TSPAN11: variants seen among roughly 807,000 people sequenced by gnomAD.
The protein encoded by TSPAN11 is tetraspanin 11.
Under a neutral mutation model 32.9 loss-of-function variants are expected in TSPAN11, and 29 were observed. The ratio of observed to expected loss-of-function variants is 0.88; its 90% CI spans 0.66 to 1.20. The LOEUF is 1.20. TSPAN11 is among the 50% of genes most tolerant of loss of function. The probability of loss-of-function intolerance (pLI) is 0.00; values close to 1 mark genes in which losing one functional copy is unlikely to be tolerated. For missense variants in TSPAN11, 283 were observed against 329.1 expected (o/e 0.86, Z 1.08); for synonymous variants, 140 against 141.3 (o/e 0.99, Z 0.07).
intron 7 of TSPAN11, among the ~76,000 whole-genome samples, chr12:30,986,169 C>T (rs1011748235): frequency 8.5e-5 from 13 of 152,188 alleles, no homozygotes; most frequent in African/African-American, 2.4e-5. Flanking sequence ...CTGGCACTTC[C>T]AAGACCCCCA....
chr12:30,968,346 G>C (rs1341169477), intron 3 of TSPAN11, among the ~76,000 whole-genome samples: 2 of 152,230 alleles, frequency 1.3e-5, no homozygotes, highest in African/African-American at 4.8e-5. Context: ...TGTCTGTCCT[G>C]GCACAGCCCT....
rs1939378112 is a variant in TSPAN11, at chr12:30,994,445, C to A, written c.*2530C>A. ...AAAGCAGCATCAGGTGCTGGGATCC[C>A]ACCCAGCTGGCACGGGCACGTTCTT... On this transcript the variant is annotated 3_prime_UTR_variant, in exon 8 of 8. Transcript: ENST00000546076. 1 of 152,236 alleles carries A rather than the reference C, an allele frequency of 6.6e-6. No homozygotes were observed. The highest frequency in any genetic ancestry group is 1.5e-5 in the Non-Finnish European group (1 of 68,060). 9.4% of individuals were successfully genotyped at this position (152,236 alleles called of 1,614,324 possible).
chr12:30,958,392 C>T (rs1467509205), intron 2 of TSPAN11, among the ~76,000 whole-genome samples: 2 of 152,170 alleles, frequency 1.3e-5, no homozygotes, highest in African/African-American at 4.8e-5. Flanking sequence ...AAATGCATGC[C>T]TGGCACTCAG....
At chr12:30,988,284 AG>A (rs1356908088) in intron 7 of TSPAN11, among the ~76,000 whole-genome samples, 1 of 152,172 alleles carries the variant, frequency 6.6e-6, no homozygotes, top group East Asian at 1.9e-4. Context: ...TGCATGCTAG[AG>A]TAGAGTTGTT....
At chr12:30,988,118 C>T in intron 7 of TSPAN11, among the ~76,000 whole-genome samples, 1 of 152,078 alleles carries the variant, frequency 6.6e-6, no homozygotes, top group East Asian at 1.9e-4. Flanking sequence ...CAGCAGGGGC[C>T]CCCCAGGCTT....
the TSPAN11 span, among the ~76,000 whole-genome samples, chr12:31,003,145 AGG>A: frequency 2.6e-5 from 4 of 152,358 alleles, no homozygotes; most frequent in African/African-American, 9.6e-5. Context: ...GATGTTGGCA[AGG>A]GAAGCAGACA....
intron 3 of TSPAN11, among the ~76,000 whole-genome samples, chr12:30,971,229 G>T (rs1001687354): frequency 6.6e-6 from 1 of 152,226 alleles, no homozygotes; most frequent in African/African-American, 2.4e-5. Context: ...AGAATGGCTG[G>T]AGATACAGAA....
At position 30,989,781 on chromosome 12, in the gene TSPAN11, C is replaced by T. The variant is rs368250666; in HGVS notation, c.703-2075C>T. Among the ~76,000 whole-genome samples the T allele has an allele frequency of 2.0e-5, 3 of 152,340 alleles. No homozygotes were observed. The East Asian group carries it at 5.8e-4, about 29-fold the overall frequency. ...CTCAGAAGCTCTGTGGCCCTTCCTT[C>T]ATGCTCTCTGCTGACAGCCAGGTGC... On this transcript the variant is annotated intron_variant, in intron 7 of 7. Transcript: ENST00000546076.
rs111830542 is a variant in TSPAN11, at chr12:30,963,915, C to T, written c.174C>T (p.Ala58=). 130 of 1,613,800 alleles carry T rather than the reference C, an allele frequency of 8.1e-5. No individual in the cohort carries two copies. The highest frequency in any genetic ancestry group is 3.3e-4 in the Middle Eastern group (2 of 6,062). The change falls in exon 3 of 8, where the codon GCC becomes GCT. Residue 58 remains alanine (A), a synonymous_variant. Transcript: ENST00000546076. The part of the protein sequence containing the change: ...YLSVLASSTF[A]ASAYILIFAG... ...GCGTCCTGGCCTCCAGCACCTTTGC[C>T]GCCTCCGCCTACATCCTCATCTTTG...
chr12:30,937,431 G>A (rs182696837), intron 1 of TSPAN11, among the ~76,000 whole-genome samples: 1 of 151,952 alleles, frequency 6.6e-6, no homozygotes. Flanking sequence ...GCGTACTTTT[G>A]GGGGGGCGGC....
intron 3 of TSPAN11, 103 bp from the exon 4 acceptor site, chr12:30,978,458 G>A: frequency 8.8e-7 from 1 of 1,134,084 alleles, no homozygotes; most frequent in South Asian, 1.4e-5. Flanking sequence ...ATGGATGATA[G>A]GGGTCCCAGC....
chr12:30,991,899 A>G lies in TSPAN11; in HGVS notation c.746A>G (p.Gln249Arg), dbSNP rs768787259. The G allele has an allele frequency of 1.2e-6, 2 of 1,614,142 alleles. No individual in the cohort carries two copies. Among genetic ancestry groups the G allele is most frequent in the South Asian group, 2.2e-5 (2 of 91,080 alleles). The change falls in exon 8 of 8, where the codon CAG becomes CGG. Residue 249 changes from glutamine (Q) to arginine (R), a missense_variant. Gln to Arg is a conservative substitution (Grantham distance 43). Transcript: ENST00000546076. ...VLTCCLHQRL[Q>R]RHFY The stretch of plus-strand genomic sequence containing the variant: ...ACCTGCTGCTTGCACCAGAGGCTCC[A>G]GCGGCATTTTTACTAATGGCCAACC...
intron 1 of TSPAN11, among the ~76,000 whole-genome samples, chr12:30,944,270 T>C (rs1300883477): frequency 2.6e-5 from 4 of 152,196 alleles, no homozygotes; most frequent in Non-Finnish European, 4.4e-5. Context: ...TCTTAGTATT[T>C]TTCAGGAATA....
intron 7 of TSPAN11, among the ~76,000 whole-genome samples, chr12:30,991,068 G>A (rs1939302961): frequency 6.6e-6 from 1 of 152,226 alleles, no homozygotes; most frequent in Non-Finnish European, 1.5e-5. Flanking sequence ...TGGGAGAAGT[G>A]AGAAGGCGGT....
At chr12:30,961,428 T>C (rs1938610407) in intron 2 of TSPAN11, among the ~76,000 whole-genome samples, 2 of 151,884 alleles carry the variant, frequency 1.3e-5, no homozygotes, top group East Asian at 3.8e-4. Context: ...AATCATGTGG[T>C]TAGTCAGGGA....
At chr12:30,961,741 G>T (rs1020368684) in intron 2 of TSPAN11, among the ~76,000 whole-genome samples, 1 of 152,026 alleles carries the variant, frequency 6.6e-6, no homozygotes, top group Non-Finnish European at 1.5e-5. Context: ...CCTGATTTAA[G>T]AGATGAAGAA....
At chr12:30,988,564 TG>T (rs1412036318) in intron 7 of TSPAN11, 11 of 152,000 alleles carry the variant, frequency 7.2e-5, no homozygotes, top group African/African-American at 2.7e-4. Context: ...ACTTCAACCC[TG>T]GGCGACAAAG....
In TSPAN11 at chr12:30,960,178, A is replaced by G. The variant is rs188443873; in HGVS notation, c.85-3648A>G. ...GCGCCATGTATGAGACTGAGCAGGGAGGAGGAGCACAGATGATGAGTGTGG... is the reference window on the plus strand; with the variant it reads ...GCGCCATGTATGAGACTGAGCAGGGGGGAGGAGCACAGATGATGAGTGTGG... On this transcript the variant is annotated intron_variant, in intron 2 of 7. Transcript: ENST00000546076. Among the ~76,000 whole-genome samples the G allele has an allele frequency of 7.6e-4, 116 of 151,868 alleles. 1 individual carries two copies. Among genetic ancestry groups the G allele is most frequent in the Middle Eastern group, 3.4e-3 (1 of 294 alleles).
intron 1 of TSPAN11, among the ~76,000 whole-genome samples, chr12:30,937,935 T>C (rs753955028): frequency 3.9e-5 from 6 of 152,168 alleles, no homozygotes; most frequent in Non-Finnish European, 5.9e-5. Context: ...AAGGGAAAGA[T>C]TGTGGCAATG....
Sources: allele counts gnomAD v4.1 joint callset (sites outside exome capture counted in the v4.1 genomes callset), GRCh38; gene constraint gnomAD v4.1.1; transcripts MANE v1.5; gene names NCBI Gene and HGNC (gene_info 2026-07-23, HGNC 2026-07-21).